The following CFAP61 variants were observed in gnomAD, a reference collection of about 807,000 sequenced individuals.
CFAP61 encodes cilia- and flagella-associated protein 61.
Under a neutral mutation model 135.6 loss-of-function variants are expected in CFAP61, and 107 were observed. The ratio of observed to expected loss-of-function variants is 0.79; its 90% CI spans 0.67 to 0.93. The LOEUF (loss-of-function observed/expected upper bound fraction) is 0.93. CFAP61 is among the 40% of genes least tolerant of loss of function. CFAP61 has a pLI of 0.00. For synonymous variants in CFAP61, 575 were observed against 578.5 expected, an observed-to-expected ratio of 0.99 and a Z score of 0.09; for missense variants, 1,507 against 1,556.2, an observed-to-expected ratio of 0.97 and a Z score of 0.53.
chr20:20,284,440 C>G (rs2054433727), intron 22 of CFAP61, among the ~76,000 whole-genome samples: 1 of 152,082 alleles, frequency 6.6e-6, no homozygotes, highest in Non-Finnish European at 1.5e-5. Flanking sequence ...CGGCTGCCAC[C>G]ACACCCGGCT....
chr20:20,340,662 G>A (rs778571273), intron 25 of CFAP61, among the ~76,000 whole-genome samples: 21 of 152,130 alleles, frequency 1.4e-4, no homozygotes, highest in Non-Finnish European at 2.6e-4. Flanking sequence ...GCGAGCAGGC[G>A]GTTCCGCCAC....
At chr20:20,211,955 C>T (rs4814964) in intron 17 of CFAP61, among the ~76,000 whole-genome samples, 38,041 of 152,016 alleles carry the variant, frequency 0.25, 5,264 homozygotes, top group East Asian at 0.56. Context: ...CTGGAGTTGA[C>T]GGTTGATTTA....
At chr20:20,275,540 T>C (rs1244633133) in intron 21 of CFAP61, among the ~76,000 whole-genome samples, 1 of 152,056 alleles carries the variant, frequency 6.6e-6, no homozygotes, top group East Asian at 1.9e-4. Flanking sequence ...ATCAGACACC[T>C]CTCCAAACCC....
chr20:20,077,843 A>T (rs1040393193), intron 6 of CFAP61, among the ~76,000 whole-genome samples: 6 of 152,218 alleles, frequency 3.9e-5, no homozygotes, highest in African/African-American at 2.4e-5. Flanking sequence ...TATTGTGCAG[A>T]TGAGGCCTCC....
At chr20:20,339,918 G>A (rs557811081) in intron 25 of CFAP61, among the ~76,000 whole-genome samples, 6 of 152,350 alleles carry the variant, frequency 3.9e-5, no homozygotes, top group South Asian at 2.1e-4. Flanking sequence ...TTTGAATGAC[G>A]AAAGCTGCCA....
At position 20,052,543 on chromosome 20, in the gene CFAP61, C is replaced by A; in HGVS notation, c.-85C>A. The A allele has an allele frequency of 6.2e-7, 1 of 1,614,178 alleles. No individual in the cohort carries two copies. The highest frequency in any genetic ancestry group is 8.5e-7 in the Non-Finnish European group (1 of 1,180,006). On this transcript the variant is annotated 5_prime_UTR_variant, in exon 1 of 27. Transcript: ENST00000245957. ...TTTCCATGGTGACCAGGCTGCGCGT[C>A]CTCCTTGCGGCAGCGCGTGGAGTGC...
At position 20,188,061 on chromosome 20, in the gene CFAP61, G is replaced by T. The variant is rs1380142667; in HGVS notation, c.1512+5G>T. 1 of 1,613,992 alleles carries T rather than the reference G, an allele frequency of 6.2e-7. No individual in the cohort carries two copies. Among genetic ancestry groups the T allele is most frequent in the African/African-American group, 1.3e-5 (1 of 74,922 alleles). On this transcript the variant is annotated splice_donor_5th_base_variant and intron_variant, in intron 14 of 26. Coordinates refer to ENST00000245957, the MANE Select transcript of CFAP61 (RefSeq NM_015585.4). ...AACAAGGCTCGCAAAGACCCTGTAAGTACCTGTTGTGACCAGACCTCAGGA... is the reference window on the plus strand; with the variant it reads ...AACAAGGCTCGCAAAGACCCTGTAATTACCTGTTGTGACCAGACCTCAGGA...
At chr20:20,227,316 A>T (rs2048809194) in intron 17 of CFAP61, among the ~76,000 whole-genome samples, 1 of 152,230 alleles carries the variant, frequency 6.6e-6, no homozygotes, top group African/African-American at 2.4e-5. Flanking sequence ...TGAGGTGATA[A>T]GAATATCTTT....
At chr20:20,113,711 A>G (rs897225430) in intron 8 of CFAP61, among the ~76,000 whole-genome samples, 12 of 152,266 alleles carry the variant, frequency 7.9e-5, no homozygotes, top group African/African-American at 1.9e-4. Flanking sequence ...TGAATATCCA[A>G]TTGACTAAGT....
intron 2 of CFAP61, among the ~76,000 whole-genome samples, chr20:20,061,162 G>A (rs1297307068): frequency 6.6e-6 from 1 of 151,988 alleles, no homozygotes; most frequent in Non-Finnish European, 1.5e-5. Flanking sequence ...TAAAAGAACA[G>A]GTGTAGAGAT....
At chr20:20,305,564 A>G (rs1002027836) in intron 25 of CFAP61, among the ~76,000 whole-genome samples, 2 of 152,124 alleles carry the variant, frequency 1.3e-5, no homozygotes, top group African/African-American at 4.8e-5. Flanking sequence ...TAATTCTCCC[A>G]ATATCCGCCT....
At chr20:20,257,034 A>G (rs772322782) in intron 20 of CFAP61, among the ~76,000 whole-genome samples, 4 of 152,206 alleles carry the variant, frequency 2.6e-5, no homozygotes, top group Non-Finnish European at 5.9e-5. Context: ...AAAAAATTGA[A>G]CAAACTTCAA....
chr20:20,341,368 G>A (rs977749132), intron 25 of CFAP61, among the ~76,000 whole-genome samples: 11 of 152,174 alleles, frequency 7.2e-5, no homozygotes, highest in African/African-American at 9.7e-5. Context: ...CGATGCAACC[G>A]TGCGAACAGC....
Position 20,329,944 on chromosome 20 carries a change from A to G in CFAP61, c.3423-11887A>G, listed in dbSNP as rs543243918. Among the ~76,000 whole-genome samples the G allele has an allele frequency of 1.7e-4, 26 of 152,284 alleles. 2 individuals carry two copies. In the East Asian group the frequency reaches 4.6e-3, roughly 27 times the overall value. On this transcript the variant is annotated intron_variant, in intron 25 of 26. Transcript: ENST00000245957. ...TGTACCGTATTGTGGTTCTCTTTAC[A>G]TGTCCGTCATCTCTTGCTGTCAGAG...
rs2051587005 is a variant in CFAP61, at chr20:20,256,461, AT to A, written c.2328+4699del. ...TGTAGGCAACTATTTATCATCCTTT[AT>A]ACAATTTGATCACCTGGCCTCTGAA... On this transcript the variant is annotated intron_variant, in intron 20 of 26. Transcript: ENST00000245957. Among the ~76,000 whole-genome samples, 10 of 152,088 alleles carry A rather than the reference AT, an allele frequency of 6.6e-5. No homozygotes were observed. The East Asian group carries it at 1.9e-3, about 29-fold the overall frequency.
chr20:20,077,480 G>A (rs531131851), intron 6 of CFAP61, among the ~76,000 whole-genome samples: 1 of 152,336 alleles, frequency 6.6e-6, no homozygotes, highest in African/African-American at 2.4e-5. Context: ...GTTGTTGACA[G>A]CAAGAGTCAG....
At chr20:20,254,593 A>G (rs2051363793) in intron 20 of CFAP61, among the ~76,000 whole-genome samples, 1 of 152,232 alleles carries the variant, frequency 6.6e-6, no homozygotes, top group South Asian at 2.1e-4. Flanking sequence ...ACATAAAATC[A>G]AAGTACATAG....
In CFAP61 at chr20:20,089,279, A is replaced by G. The variant is rs150938619; in HGVS notation, c.567-1565A>G. ...TCAGGCAAAGCATTTCCTCATCCCC[A>G]TGGGCCTTGCTCTCCTCCCTCTGCA... On this transcript the variant is annotated intron_variant, in intron 6 of 26. Coordinates refer to ENST00000245957, the MANE Select transcript of CFAP61 (RefSeq NM_015585.4). Among the ~76,000 whole-genome samples the G allele has an allele frequency of 5.5e-3, 838 of 152,138 alleles. 10 individuals are homozygous for G. The highest frequency in any genetic ancestry group is 0.019 in the African/African-American group (788 of 41,510).
chr20:20,141,620 T>TA (rs1195707425), intron 8 of CFAP61, among the ~76,000 whole-genome samples: 7 of 152,324 alleles, frequency 4.6e-5, no homozygotes, highest in Non-Finnish European at 5.9e-5. Context: ...TACACCTCCC[T>TA]AGGCATCTCA....
Sources: allele counts gnomAD v4.1 joint callset (sites outside exome capture counted in the v4.1 genomes callset), GRCh38; gene constraint gnomAD v4.1.1; transcripts MANE v1.5; gene names NCBI Gene and HGNC (gene_info 2026-07-23, HGNC 2026-07-21).